Variants in SEMA3D observed in about 807,000 individuals in gnomAD.
SEMA3D encodes the protein semaphorin-3D.
Under a neutral mutation model 100.1 loss-of-function variants are expected in SEMA3D, and 84 were observed. The observed-to-expected ratio is 0.84, with a 90% CI of 0.70 to 1.01. The LOEUF (loss-of-function observed/expected upper bound fraction) is 1.01, where lower values mean the gene tolerates loss of function less well. Ranked by LOEUF, SEMA3D falls within the 50% of genes least tolerant of loss-of-function variation. SEMA3D has a pLI of 0.00. For synonymous variants in SEMA3D, 312 were observed against 320.7 expected, an observed-to-expected ratio of 0.97 and a Z score of 0.29; for missense variants, 875 against 934.1, an observed-to-expected ratio of 0.94 and a Z score of 0.82.
At chr7:85,154,203 A>G (rs757579164) in intron 1 of SEMA3D, among the ~76,000 whole-genome samples, 1 of 151,992 alleles carries the variant, frequency 6.6e-6, no homozygotes, top group Admixed American at 6.6e-5. Flanking sequence ...AAACTAAGGA[A>G]TGTTCAGACA....
the SEMA3D span, among the ~76,000 whole-genome samples, chr7:85,219,772 C>T: frequency 1.6e-4 from 24 of 152,004 alleles, no homozygotes; most frequent in Non-Finnish European, 2.6e-4. Context: ...AAATTATACA[C>T]GCAAAGTATG....
chr7:85,037,678 C>T (rs1790739412), intron 11 of SEMA3D, among the ~76,000 whole-genome samples: 1 of 151,870 alleles, frequency 6.6e-6, no homozygotes, highest in South Asian at 2.1e-4. Flanking sequence ...TTATGTATTA[C>T]AGTAGCTCAT....
the SEMA3D span, among the ~76,000 whole-genome samples, chr7:85,236,330 T>C: frequency 0.087 from 13,025 of 149,452 alleles, 1,486 homozygotes; most frequent in African/African-American, 0.26. Context: ...TATTTAGAGA[T>C]GGGGTCTTGC....
the SEMA3D span, among the ~76,000 whole-genome samples, chr7:85,218,052 G>C: frequency 6.6e-6 from 1 of 152,066 alleles, no homozygotes; most frequent in Non-Finnish European, 1.5e-5. Flanking sequence ...ATGGCCGAGT[G>C]CCTGAGTAAT....
chr7:85,242,362 T>C, the SEMA3D span, among the ~76,000 whole-genome samples: 2 of 152,206 alleles, frequency 1.3e-5, no homozygotes, highest in Non-Finnish European at 2.9e-5. Flanking sequence ...TTTTGATAAG[T>C]TGTATTTTCA....
At chr7:85,020,947 T>G (rs1790237849) in intron 13 of SEMA3D, among the ~76,000 whole-genome samples, 1 of 151,564 alleles carries the variant, frequency 6.6e-6, no homozygotes, top group Admixed American at 6.6e-5. Context: ...AAATTGACAT[T>G]TAAAAGAGGT....
At chr7:85,013,821 AC>A (rs749405801) in intron 16 of SEMA3D, among the ~76,000 whole-genome samples, 6 of 151,752 alleles carry the variant, frequency 4.0e-5, no homozygotes, top group Non-Finnish European at 8.8e-5. Flanking sequence ...GGTATAAGGT[AC>A]ATAGGTCAAG....
chr7:85,074,611 G>C (rs970328914), intron 5 of SEMA3D, among the ~76,000 whole-genome samples: 3 of 150,390 alleles, frequency 2.0e-5, no homozygotes, highest in African/African-American at 7.4e-5. Context: ...GAGGTACAAT[G>C]TTTCAACTGG....
intron 5 of SEMA3D, among the ~76,000 whole-genome samples, chr7:85,075,545 A>G (rs1273981394): frequency 6.6e-6 from 1 of 152,120 alleles, no homozygotes; most frequent in Non-Finnish European, 1.5e-5. Context: ...CTGACTTGAC[A>G]AGGCATACCT....
the SEMA3D span, among the ~76,000 whole-genome samples, chr7:85,234,464 G>A: frequency 6.6e-6 from 1 of 152,156 alleles, no homozygotes; most frequent in East Asian, 1.9e-4. Context: ...AGAAATGAGA[G>A]ATTGAGAGAT....
chr7:85,103,785 A>C (rs769866716), intron 3 of SEMA3D, among the ~76,000 whole-genome samples: 12 of 152,090 alleles, frequency 7.9e-5, no homozygotes, highest in Admixed American at 3.3e-4. Context: ...TTAATGAAGC[A>C]AGGACACGAT....
chr7:85,007,824 A>C (rs909888029), intron 17 of SEMA3D, among the ~76,000 whole-genome samples: 1 of 151,860 alleles, frequency 6.6e-6, no homozygotes, highest in Admixed American at 6.6e-5. Context: ...CATCAACTAG[A>C]GTAAGGTTTA....
At chr7:85,001,618 C>T (rs552566164) in intron 18 of SEMA3D, among the ~76,000 whole-genome samples, 5 of 152,122 alleles carry the variant, frequency 3.3e-5, no homozygotes, top group African/African-American at 9.6e-5. Context: ...ATAACCTAAC[C>T]TTCTGGTCTC....
intron 9 of SEMA3D, among the ~76,000 whole-genome samples, chr7:85,047,239 T>C (rs1032357947): frequency 2.0e-5 from 3 of 151,960 alleles, no homozygotes; most frequent in African/African-American, 7.2e-5. Flanking sequence ...CTGAGTCATT[T>C]GATTGTATGA....
chr7:85,225,322 T>A, the SEMA3D span, among the ~76,000 whole-genome samples: 1 of 151,100 alleles, frequency 6.6e-6, no homozygotes, highest in Non-Finnish European at 1.5e-5. Context: ...TCTTTTCCCC[T>A]TCTCCTTCCT....
intron 9 of SEMA3D, among the ~76,000 whole-genome samples, chr7:85,052,045 A>G (rs1038607032): frequency 6.6e-6 from 1 of 151,956 alleles, no homozygotes; most frequent in Non-Finnish European, 1.5e-5. Context: ...CCCTATGTAT[A>G]CCAGGCAAAC....
At chr7:85,007,995 C>T (rs1789846906) in intron 17 of SEMA3D, among the ~76,000 whole-genome samples, 1 of 151,732 alleles carries the variant, frequency 6.6e-6, no homozygotes, top group African/African-American at 2.4e-5. Flanking sequence ...ATGAATTAAC[C>T]TCATCTAACC....
At chr7:85,193,887 A>C in the SEMA3D span, among the ~76,000 whole-genome samples, 2 of 152,096 alleles carry the variant, frequency 1.3e-5, no homozygotes, top group Non-Finnish European at 2.9e-5. Context: ...AAAAAAAAAA[A>C]ACGCAGTTTA....
chr7:85,149,558 A>T (rs1790307345), intron 2 of SEMA3D, among the ~76,000 whole-genome samples: 1 of 152,222 alleles, frequency 6.6e-6, no homozygotes, highest in Non-Finnish European at 1.5e-5. Flanking sequence ...GTAAGTGCTA[A>T]CATCAAATTT....
Sources: gnomAD v4.1 joint callset for allele counts (sites outside exome capture counted in the v4.1 genomes callset) on GRCh38, gnomAD v4.1.1 for gene constraint, MANE v1.5 for transcripts, NCBI Gene and HGNC (gene_info 2026-07-23, HGNC 2026-07-21) for gene names.